RAD51B: variants seen among roughly 807,000 people sequenced by gnomAD.
RAD51B encodes RAD51 paralog B, also known as DNA repair protein RAD51 homolog 2.
In RAD51B, 38 loss-of-function variants were observed where a neutral mutation model predicts 42.2. The ratio of observed to expected loss-of-function variants is 0.90; its 90% confidence interval spans 0.70 to 1.18. RAD51B has a LOEUF of 1.18. Among genes scored for constraint, RAD51B ranks in the 50% most tolerant of loss-of-function variants. RAD51B has a pLI of 0.00. For synonymous variants in RAD51B, 154 were observed against 145.2 expected, an observed-to-expected ratio of 1.06 and a Z score of -0.43; for missense variants, 373 against 400.7, an observed-to-expected ratio of 0.93 and a Z score of 0.59.
At chr14:68,102,605 C>T (rs752331576) in intron 7 of RAD51B, among the ~76,000 whole-genome samples, 1 of 152,178 alleles carries the variant, frequency 6.6e-6, no homozygotes, top group Non-Finnish European at 1.5e-5. Context: ...CAACAAGTCT[C>T]TAGGAAGTTT....
At chr14:67,903,092 A>C (rs2043665371) in intron 7 of RAD51B, among the ~76,000 whole-genome samples, 2 of 152,140 alleles carry the variant, frequency 1.3e-5, no homozygotes, top group Non-Finnish European at 2.9e-5. Context: ...TCCTGACCTC[A>C]AATGATCTGC....
At chr14:68,468,345 T>A (rs1370178246) in intron 10 of RAD51B, 95 bp downstream of exon 10, 1 of 1,328,458 alleles carries the variant, frequency 7.5e-7, no homozygotes, top group East Asian at 2.3e-5. Context: ...AGAAGCTAGC[T>A]CCAGACAGAA....
At chr14:68,458,648 C>T (rs907168470) in intron 9 of RAD51B, among the ~76,000 whole-genome samples, 1 of 150,558 alleles carries the variant, frequency 6.6e-6, no homozygotes. Context: ...CTAAGAGACT[C>T]TTCCCAGAGA....
At chr14:68,233,257 G>C (rs2080181833) in intron 7 of RAD51B, among the ~76,000 whole-genome samples, 1 of 152,264 alleles carries the variant, frequency 6.6e-6, no homozygotes, top group Admixed American at 6.5e-5. Flanking sequence ...CACAGATAGT[G>C]CTTATTATTA....
At chr14:67,918,823 T>C (rs187163553) in intron 7 of RAD51B, among the ~76,000 whole-genome samples, 4 of 152,286 alleles carry the variant, frequency 2.6e-5, no homozygotes, top group Admixed American at 2.6e-4. Flanking sequence ...TCCAACCAAA[T>C]AGTCAATCAA....
At chr14:68,027,325 A>C (rs1363673409) in intron 7 of RAD51B, among the ~76,000 whole-genome samples, 1 of 151,754 alleles carries the variant, frequency 6.6e-6, no homozygotes, top group Non-Finnish European at 1.5e-5. Context: ...TGCCTCGGGG[A>C]TGGTAATCTT....
At chr14:67,844,914 A>G (rs990495846) in intron 4 of RAD51B, among the ~76,000 whole-genome samples, 1 of 152,060 alleles carries the variant, frequency 6.6e-6, no homozygotes, top group Non-Finnish European at 1.5e-5. Flanking sequence ...TTTGTCTGTT[A>G]TAATAGCAAC....
intron 7 of RAD51B, among the ~76,000 whole-genome samples, chr14:67,989,692 CT>C (rs111861216): frequency 0.035 from 5,215 of 148,464 alleles, 331 homozygotes; most frequent in African/African-American, 0.12. Context: ...TAAAAATGCA[CT>C]TATGGGACAG....
At chr14:68,338,776 T>G in intron 8 of RAD51B, 1 of 527,180 alleles carries the variant, frequency 1.9e-6, no homozygotes. Context: ...TTTTCGAGCT[T>G]GATAATGTGA....
At chr14:68,096,606 C>T (rs2077199810) in intron 7 of RAD51B, among the ~76,000 whole-genome samples, 1 of 152,210 alleles carries the variant, frequency 6.6e-6, no homozygotes, top group South Asian at 2.1e-4. Flanking sequence ...CCACCTAGTA[C>T]ACCACATCCC....
At chr14:68,582,459 C>T (rs1056415623) in intron 10 of RAD51B, among the ~76,000 whole-genome samples, 33 of 152,268 alleles carry the variant, frequency 2.2e-4, no homozygotes, top group African/African-American at 7.5e-4. Flanking sequence ...AATGAGATAC[C>T]ATCTCATGCC....
chr14:68,442,260 C>G (rs76777727), intron 9 of RAD51B, among the ~76,000 whole-genome samples: 8,273 of 152,138 alleles, frequency 0.054, 702 homozygotes, highest in African/African-American at 0.18. Flanking sequence ...CAACCTTTCT[C>G]TCTCTAGGAC....
intron 7 of RAD51B, among the ~76,000 whole-genome samples, chr14:68,125,850 TC>T (rs2077748761): frequency 6.6e-6 from 1 of 152,172 alleles, no homozygotes; most frequent in African/African-American, 2.4e-5. Flanking sequence ...AAGGCTCTGT[TC>T]TTAGAACTGT....
chr14:68,295,296 C>T (rs969075755), intron 8 of RAD51B, among the ~76,000 whole-genome samples: 2 of 152,058 alleles, frequency 1.3e-5, no homozygotes, highest in Non-Finnish European at 2.9e-5. Flanking sequence ...AAGCAGTGAA[C>T]ATGAGTCTAC....
rs544414862 is a variant in RAD51B at position 68,395,178 on chromosome 14, C to T, written c.854-16246C>T. 1.4e-4 allele frequency among the ~76,000 whole-genome samples: 21 copies of T among 152,338 alleles called. No individual in the cohort carries two copies. The South Asian group carries it at 3.9e-3, about 29-fold the overall frequency. On this transcript the variant is annotated intron_variant, in intron 8 of 10. Transcript: ENST00000471583. ...CTTTATCCCCTCCTCTCCCGCCTCC[C>T]CTTCTTCTGTGCTCCCACCCTTTCT...
intron 7 of RAD51B, among the ~76,000 whole-genome samples, chr14:68,061,050 GGT>G (rs2076558651): frequency 1.4e-5 from 2 of 143,234 alleles, no homozygotes; most frequent in Non-Finnish European, 3.0e-5. Flanking sequence ...AGGTATTTGA[GGT>G]CTTTTTTTTT....
At chr14:68,277,017 T>G (rs969067410) in intron 7 of RAD51B, among the ~76,000 whole-genome samples, 6 of 152,186 alleles carry the variant, frequency 3.9e-5, no homozygotes, top group Admixed American at 1.3e-4. Flanking sequence ...GAGAACATGG[T>G]GAGTGTTAGG....
At chr14:68,505,676 G>A (rs1027360565) in intron 10 of RAD51B, among the ~76,000 whole-genome samples, 6 of 149,238 alleles carry the variant, frequency 4.0e-5, no homozygotes, top group South Asian at 2.1e-4. Context: ...TCAGCCTCCC[G>A]AGTAGCTGGG....
rs559496280 is a variant in RAD51B at position 68,242,539 on chromosome 14, C to T, written c.757-49345C>T. Among the ~76,000 whole-genome samples the T allele has an allele frequency of 7.9e-5, 12 of 152,284 alleles. No homozygotes were observed. In the South Asian group the frequency reaches 2.1e-3, roughly 26 times the overall value. The stretch of plus-strand genomic sequence containing the variant: ...TTTTGAATTCAGTAGTTTCCTCTAA[C>T]GTTCAAACAGAGGAAGGTAGGGTAC... On this transcript the variant is annotated intron_variant, in intron 7 of 10. Coordinates refer to ENST00000471583, the MANE Select transcript of RAD51B (RefSeq NM_133510.4).
Sources: allele counts gnomAD v4.1 joint callset (sites outside exome capture counted in the v4.1 genomes callset), GRCh38; gene constraint gnomAD v4.1.1; transcripts MANE v1.5; gene names NCBI Gene and HGNC (gene_info 2026-07-23, HGNC 2026-07-21).